Variants in CDH13 observed in about 807,000 individuals in gnomAD.
CDH13 encodes the protein cadherin 13.
A neutral mutation model predicts 63.8 loss-of-function variants in CDH13; 24 were observed. That is an observed-to-expected ratio of 0.38 (90% confidence interval 0.27 to 0.53). The LOEUF (loss-of-function observed/expected upper bound fraction) is 0.53, where lower values mean the gene tolerates loss of function less well. Among genes scored for constraint, CDH13 ranks in the 20% least tolerant of loss-of-function variants. CDH13 has a pLI of 0.85. For synonymous variants in CDH13, 503 were observed against 355.3 expected, an observed-to-expected ratio of 1.42 and a Z score of -4.67; for missense variants, 1,049 against 903.1, an observed-to-expected ratio of 1.16 and a Z score of -2.07.
intron 1 of CDH13, among the ~76,000 whole-genome samples, chr16:82,834,168 C>A (rs2038665252): frequency 6.6e-6 from 1 of 152,112 alleles, no homozygotes; most frequent in Admixed American, 6.5e-5. Flanking sequence ...ACTACCGGAC[C>A]CTGGGAGATC....
At chr16:82,826,542 A>T (rs189036908) in intron 1 of CDH13, 4 of 152,286 alleles carry the variant, frequency 2.6e-5, no homozygotes, top group Non-Finnish European at 5.9e-5. Context: ...TTATATGCAT[A>T]TGTATAAAAA....
intron 10 of CDH13, among the ~76,000 whole-genome samples, chr16:83,723,856 A>G (rs1910009558): frequency 6.6e-6 from 1 of 152,162 alleles, no homozygotes; most frequent in Non-Finnish European, 1.5e-5. Flanking sequence ...GGACAGATGC[A>G]TAGATCCATG....
chr16:83,175,921 C>G (rs1469171380), intron 4 of CDH13, among the ~76,000 whole-genome samples: 1 of 150,056 alleles, frequency 6.7e-6, no homozygotes, highest in Non-Finnish European at 1.5e-5. Flanking sequence ...CTCCGCTTCC[C>G]AGGTTCAAGC....
chr16:82,996,971 AATG>A (rs907606643), intron 2 of CDH13, among the ~76,000 whole-genome samples: 4 of 137,434 alleles, frequency 2.9e-5, no homozygotes, highest in African/African-American at 5.6e-5. Context: ...TGGTGGTGGT[AATG>A]ATGATGGTGA....
chr16:83,121,610 C>A (rs1208392339), intron 3 of CDH13, among the ~76,000 whole-genome samples: 2 of 152,150 alleles, frequency 1.3e-5, no homozygotes, highest in Non-Finnish European at 2.9e-5. Flanking sequence ...AGGAGTATTG[C>A]CTACTAACAA....
chr16:82,835,376 G>T (rs997012822), intron 1 of CDH13, among the ~76,000 whole-genome samples: 1 of 152,112 alleles, frequency 6.6e-6, no homozygotes, highest in East Asian at 1.9e-4. Context: ...CCTTTTTAAG[G>T]TCACATAGCA....
At chr16:83,364,871 G>T (rs143211211) in intron 6 of CDH13, among the ~76,000 whole-genome samples, 172 of 152,196 alleles carry the variant, frequency 1.1e-3, no homozygotes, top group African/African-American at 3.9e-3. Flanking sequence ...AGAACACATG[G>T]ACACAGGGAG....
intron 4 of CDH13, among the ~76,000 whole-genome samples, chr16:83,162,230 G>A (rs2037478831): frequency 1.3e-5 from 2 of 152,060 alleles, no homozygotes; most frequent in African/African-American, 4.8e-5. Flanking sequence ...ACCAGGCACT[G>A]ACTAGAAAAT....
At chr16:83,607,789 C>T (rs1187154411) in intron 8 of CDH13, among the ~76,000 whole-genome samples, 1 of 152,110 alleles carries the variant, frequency 6.6e-6, no homozygotes, top group African/African-American at 2.4e-5. Context: ...GAACTTCTTA[C>T]ATAAGGTATT....
intron 6 of CDH13, among the ~76,000 whole-genome samples, chr16:83,349,171 G>A (rs1004020585): frequency 4.6e-5 from 7 of 152,194 alleles, no homozygotes; most frequent in Non-Finnish European, 8.8e-5. Context: ...TTTGCAGATC[G>A]TGAGCTGTTG....
intron 1 of CDH13, among the ~76,000 whole-genome samples, chr16:82,688,422 AAATC>A (rs1286995121): frequency 6.6e-6 from 1 of 152,254 alleles, no homozygotes; most frequent in Non-Finnish European, 1.5e-5. Context: ...TTTATGCACT[AAATC>A]AAATAATGAA....
At chr16:82,994,054 C>G (rs547065318) in intron 2 of CDH13, among the ~76,000 whole-genome samples, 10 of 152,142 alleles carry the variant, frequency 6.6e-5, no homozygotes, top group Non-Finnish European at 1.2e-4. Context: ...TGGTGCTGGT[C>G]TCAGGGGAAG....
intron 10 of CDH13, among the ~76,000 whole-genome samples, chr16:83,723,246 G>A (rs567647322): frequency 3.9e-5 from 6 of 152,312 alleles, no homozygotes; most frequent in Non-Finnish European, 8.8e-5. Context: ...CTCTGTATAC[G>A]ACTTCATCTT....
chr16:82,953,548 T>G (rs1423258968), intron 2 of CDH13: 1 of 152,208 alleles, frequency 6.6e-6, no homozygotes, highest in Non-Finnish European at 1.5e-5. Flanking sequence ...CTCTGCATGG[T>G]GAACTTAGTA....
chr16:82,930,816 C>G (rs1029233541), intron 2 of CDH13, among the ~76,000 whole-genome samples: 1 of 152,208 alleles, frequency 6.6e-6, no homozygotes, highest in Non-Finnish European at 1.5e-5. Context: ...ATAGCCCCCT[C>G]TGTCCATTTC....
chr16:83,579,392 C>A (rs1456323327), intron 7 of CDH13, among the ~76,000 whole-genome samples: 1 of 152,028 alleles, frequency 6.6e-6, no homozygotes, highest in Non-Finnish European at 1.5e-5. Context: ...GGAAGCATGG[C>A]TAGGGAGGCC....
intron 1 of CDH13, among the ~76,000 whole-genome samples, chr16:82,836,331 GT>G (rs2038766831): frequency 6.6e-6 from 1 of 152,030 alleles, no homozygotes; most frequent in Admixed American, 6.6e-5. Context: ...TGTATTTTTA[GT>G]AGAGACTGGG....
At chr16:82,674,890 A>G (rs541870034) in intron 1 of CDH13, among the ~76,000 whole-genome samples, 5 of 152,316 alleles carry the variant, frequency 3.3e-5, no homozygotes, top group African/African-American at 1.2e-4. Context: ...CAATAATTGC[A>G]TTGTCTCTGG....
chr16:83,240,600 C>G (rs1431745838), intron 5 of CDH13, among the ~76,000 whole-genome samples: 1 of 143,792 alleles, frequency 7.0e-6, no homozygotes, highest in African/African-American at 2.6e-5. Context: ...GGATTAGGTG[C>G]AGTATGTGAT....
Sources: allele counts gnomAD v4.1 joint callset (sites outside exome capture counted in the v4.1 genomes callset), GRCh38; gene constraint gnomAD v4.1.1; transcripts MANE v1.5; gene names NCBI Gene and HGNC (gene_info 2026-07-23, HGNC 2026-07-21).